SGCD: variants seen among roughly 807,000 people sequenced by gnomAD.
SGCD encodes the protein delta-sarcoglycan.
SGCD carries 18 observed loss-of-function variants against 36.6 expected under a neutral mutation model. That is an observed-to-expected ratio of 0.49 (90% CI 0.34 to 0.73). SGCD has a LOEUF of 0.73. SGCD is among the 30% of genes least tolerant of loss of function. SGCD has a pLI of 0.01. For synonymous variants in SGCD, 133 were observed against 130.6 expected (o/e 1.02, Z -0.12); for missense variants, 387 against 346.7 (o/e 1.12, Z -0.92).
intron 3 of SGCD, among the ~76,000 whole-genome samples, chr5:156,211,244 C>T (rs1190209970): frequency 6.6e-6 from 1 of 152,012 alleles, no homozygotes; most frequent in African/African-American, 2.4e-5. Flanking sequence ...AAGTCTTTCC[C>T]AGACAAACAA....
chr5:156,122,920 C>T (rs2127603219), intron 2 of SGCD, among the ~76,000 whole-genome samples: 1 of 138,928 alleles, frequency 7.2e-6, no homozygotes, highest in Non-Finnish European at 1.5e-5. Flanking sequence ...GATAGTGCCA[C>T]CAGAATGTGC....
chr5:156,099,400 A>G (rs986245106), intron 1 of SGCD, among the ~76,000 whole-genome samples: 4 of 151,926 alleles, frequency 2.6e-5, no homozygotes, highest in African/African-American at 4.8e-5. Context: ...TCATCTTGCC[A>G]TTTAATTCCT....
chr5:156,216,370 C>T (rs1439942423), intron 3 of SGCD, among the ~76,000 whole-genome samples: 2 of 152,156 alleles, frequency 1.3e-5, no homozygotes, highest in Non-Finnish European at 2.9e-5. Flanking sequence ...TATTAATTTG[C>T]TCAATTTAGC....
chr5:155,919,537 A>G (rs1756827747), intron 1 of SGCD, among the ~76,000 whole-genome samples: 1 of 152,162 alleles, frequency 6.6e-6, no homozygotes, highest in African/African-American at 2.4e-5. Context: ...AACTGGTATT[A>G]TAAGCCCTTT....
the SGCD span, among the ~76,000 whole-genome samples, chr5:155,768,496 A>C: frequency 6.6e-6 from 1 of 152,132 alleles, no homozygotes; most frequent in African/African-American, 2.4e-5. Flanking sequence ...GTCAATTGTC[A>C]TGCTCTGGTG....
rs925702672 is a variant in SGCD, at chr5:156,159,475, A to T, written c.-44+35456A>T. Among the ~76,000 whole-genome samples, 3 of 151,340 alleles carry T rather than the reference A, an allele frequency of 2.0e-5. 1 individual carries two copies. Among genetic ancestry groups the T allele is most frequent in the African/African-American group, 4.9e-5 (2 of 40,860 alleles). Reference sequence around the variant, plus strand: ...TATTATCTTTCTCTGAACCACTCATAAAAAAAACAAAACAAAACAAATAAA... The same window carrying T: ...TATTATCTTTCTCTGAACCACTCATTAAAAAAACAAAACAAAACAAATAAA... On this transcript the variant is annotated intron_variant, in intron 3 of 9. Transcript: ENST00000517913.
intron 7 of SGCD, among the ~76,000 whole-genome samples, chr5:156,677,526 C>T (rs141712764): frequency 6.6e-6 from 1 of 152,074 alleles, no homozygotes; most frequent in East Asian, 1.9e-4. Flanking sequence ...ACATCACATA[C>T]CAGGGCCTGT....
chr5:156,070,439 A>T (rs999443787), intron 1 of SGCD, among the ~76,000 whole-genome samples: 1 of 150,670 alleles, frequency 6.6e-6, no homozygotes, highest in Non-Finnish European at 1.5e-5. Flanking sequence ...ACATTTATTG[A>T]TTTGTGTATA....
intron 6 of SGCD, among the ~76,000 whole-genome samples, chr5:156,618,630 T>C (rs1022031193): frequency 4.8e-5 from 7 of 145,132 alleles, no homozygotes; most frequent in African/African-American, 1.8e-4. Flanking sequence ...TCCGAAAACC[T>C]AGGTGATTTC....
chr5:155,801,032 T>C, the SGCD span, among the ~76,000 whole-genome samples: 1 of 152,174 alleles, frequency 6.6e-6, no homozygotes, highest in Non-Finnish European at 1.5e-5. Context: ...AGTGCCTTTA[T>C]TATTTTGTTT....
chr5:155,755,989 G>C, the SGCD span, among the ~76,000 whole-genome samples: 1 of 152,202 alleles, frequency 6.6e-6, no homozygotes, highest in Non-Finnish European at 1.5e-5. Context: ...TCACCTTGCT[G>C]GTATTGGTAT....
chr5:155,946,961 G>C (rs74641578), intron 1 of SGCD, among the ~76,000 whole-genome samples: 1 of 152,170 alleles, frequency 6.6e-6, no homozygotes, highest in Non-Finnish European at 1.5e-5. Flanking sequence ...ATAGAACCTG[G>C]CAGGAAAGAT....
intron 3 of SGCD, among the ~76,000 whole-genome samples, chr5:156,283,489 CTG>C (rs899020687): frequency 1.2e-4 from 18 of 152,142 alleles, no homozygotes; most frequent in Admixed American, 1.1e-3. Context: ...GGGGCAGAAA[CTG>C]TGATGAGCTG....
intron 3 of SGCD, among the ~76,000 whole-genome samples, chr5:156,272,999 C>T (rs529432563): frequency 3.2e-4 from 49 of 152,286 alleles, no homozygotes; most frequent in South Asian, 8.3e-4. Flanking sequence ...TTGCTGGCCC[C>T]TAATTTAGTG....
intron 3 of SGCD, among the ~76,000 whole-genome samples, chr5:156,350,872 C>T (rs560130300): frequency 6.6e-6 from 1 of 152,250 alleles, no homozygotes; most frequent in South Asian, 2.1e-4. Flanking sequence ...CACTGAAAAC[C>T]CAAGGCTCAG....
intron 1 of SGCD, among the ~76,000 whole-genome samples, chr5:155,907,567 T>C (rs896990968): frequency 1.3e-5 from 2 of 152,002 alleles, no homozygotes; most frequent in African/African-American, 4.8e-5. Context: ...CTTTGAGGAG[T>C]TTAAGACTTC....
At chr5:156,380,956 ACC>A (rs2127747640) in intron 3 of SGCD, among the ~76,000 whole-genome samples, 1 of 152,338 alleles carries the variant, frequency 6.6e-6, no homozygotes, top group African/African-American at 2.4e-5. Flanking sequence ...AGTTTGAGAC[ACC>A]GTTTCAGTAA....
chr5:156,171,509 A>G (rs982180037), intron 3 of SGCD, among the ~76,000 whole-genome samples: 13 of 152,220 alleles, frequency 8.5e-5, no homozygotes, highest in African/African-American at 3.1e-4. Context: ...CTTGGAACAC[A>G]AGGACATTAG....
At chr5:156,539,114 T>A (rs1013578529) in intron 4 of SGCD, among the ~76,000 whole-genome samples, 3 of 151,974 alleles carry the variant, frequency 2.0e-5, no homozygotes. Context: ...GATATCTATG[T>A]CTAAGGTTCG....
Sources: gnomAD v4.1 joint callset for allele counts (sites outside exome capture counted in the v4.1 genomes callset) on GRCh38, gnomAD v4.1.1 for gene constraint, MANE v1.5 for transcripts, NCBI Gene and HGNC (gene_info 2026-07-23, HGNC 2026-07-21) for gene names.